The following LIM2 variants were observed in gnomAD, a reference collection of about 807,000 sequenced individuals.
LIM2 encodes the protein lens fiber membrane intrinsic protein.
In LIM2, 14 loss-of-function variants were observed where a neutral mutation model predicts 19.0. The observed-to-expected ratio is 0.74, with a 90% CI of 0.49 to 1.15. The LOEUF is 1.15. LIM2 is among the 50% of genes most tolerant of loss of function. The pLI is 0.00. For missense variants in LIM2, 230 were observed against 243.5 expected (o/e 0.94, Z 0.37); for synonymous variants, 78 against 89.6 (o/e 0.87, Z 0.73).
At chr19:51,384,458 A>G (rs1986978593) in intron 2 of LIM2, among the ~76,000 whole-genome samples, 1 of 152,122 alleles carries the variant, frequency 6.6e-6, no homozygotes, top group Admixed American at 6.6e-5. Context: ...TAAAACAAAG[A>G]CTGCCGTCCT....
At position 51,386,415 on chromosome 19, in the gene LIM2, C is replaced by T. The variant is rs188582289; in HGVS notation, c.175+854G>A. 1.6e-3 allele frequency among the ~76,000 whole-genome samples: 237 copies of T among 149,706 alleles called. 1 individual carries two copies. Among genetic ancestry groups the T allele is most frequent in the African/African-American group, 5.3e-3 (216 of 40,948 alleles). On this transcript the variant is annotated intron_variant, in intron 2 of 4. Transcript: ENST00000596399. ...CTGGGATTACAGACGTGAGCCACCA[C>T]GCCTGGCCAAATTTATTAATATGTT...
chr19:51,385,016 C>T (rs964629304), intron 2 of LIM2, among the ~76,000 whole-genome samples: 5 of 152,076 alleles, frequency 3.3e-5, no homozygotes, highest in African/African-American at 1.2e-4. Context: ...GAGCACACCA[C>T]CACGCCCAGC....
chr19:51,380,291 C>G, intron 4 of LIM2, 29 bp from the exon 5 acceptor site: 1 of 1,610,794 alleles, frequency 6.2e-7, no homozygotes, highest in Non-Finnish European at 8.5e-7. Flanking sequence ...AAATTCACCC[C>G]CTCAAACCTC....
Position 51,387,389 on chromosome 19 carries a change from G to C in LIM2, c.55C>G (p.Leu19Val). ...LFCAWVGTIL[L>V]VVAMATDHWM... ...TGGTCTGTTGCCATGGCCACCACCA[G>C]GAGGATGGTCCCCACCCAGGCACAG... The change falls in exon 2 of 5, where the codon CTG (leucine) becomes GTG (valine). Residue 19 changes from leucine (L) to valine (V), a missense_variant. Transcript: ENST00000596399. 1 of 1,614,202 alleles carries C rather than the reference G, an allele frequency of 6.2e-7. No individual in the cohort carries two copies.
chr19:51,387,533 T>C (rs918756652), intron 1 of LIM2, 84 bp from the exon 2 acceptor site: 9 of 1,580,794 alleles, frequency 5.7e-6, no homozygotes, highest in Non-Finnish European at 7.7e-6. Context: ...GGCTCAGGAG[T>C]GGGATGCCAA....
rs900549342 is a variant in LIM2, at chr19:51,385,049, A to T, written c.175+2220T>A. ...AGCTAATTTTTTATTTTTTGTTGAG[A>T]TGGGGTCTCCTTACGTTGCACAGGC... is the stretch of plus-strand genomic sequence containing the variant. On this transcript the variant is annotated intron_variant, in intron 2 of 4. Coordinates refer to ENST00000596399, the MANE Select transcript of LIM2 (RefSeq NM_001161748.2). Among the ~76,000 whole-genome samples the T allele has an allele frequency of 5.3e-5, 8 of 151,128 alleles. No homozygotes were observed. The Admixed American group carries it at 5.3e-4, about 10-fold the overall frequency.
At chr19:51,382,329 AG>A in intron 3 of LIM2, 88 bp downstream of exon 3, 1 of 1,448,674 alleles carries the variant, frequency 6.9e-7, no homozygotes, top group Non-Finnish European at 9.5e-7. Context: ...AGGAGGAGTA[AG>A]GGGTGAGAAT....
intron 2 of LIM2, among the ~76,000 whole-genome samples, chr19:51,385,153 G>A (rs992317874): frequency 2.0e-5 from 3 of 151,682 alleles, no homozygotes; most frequent in African/African-American, 4.8e-5. Context: ...GAGCCACCAC[G>A]TCCATCTGAA....
In LIM2 at chr19:51,380,532, C is replaced by T. The variant is rs772407805; in HGVS notation, c.433G>A (p.Val145Met). The T allele has an allele frequency of 1.9e-6, 3 of 1,614,206 alleles. No individual in the cohort carries two copies. The highest frequency in any genetic ancestry group is 1.7e-5 in the Admixed American group (1 of 60,016). Residue 145 changes from valine to methionine, a missense_variant, in exon 4 of 5, where the codon GTG becomes ATG. Physicochemically the swap from Val to Met is conservative, Grantham distance 21. Coordinates refer to ENST00000596399, the MANE Select transcript of LIM2 (RefSeq NM_001161748.2). The stretch of plus-strand genomic sequence containing the variant: ...GCGAAGAACGTCATGAGCACTGCCA[C>T]CCAGCCCAGGATGTAGGACCAGGAA... ...RFSWSYILGW[V>M]AVLMTFFAGI...
intron 2 of LIM2, among the ~76,000 whole-genome samples, chr19:51,383,108 C>T (rs1986946092): frequency 4.3e-5 from 6 of 140,438 alleles, no homozygotes. Context: ...AATCTCAGCT[C>T]ACTGCAGCCT....
At position 51,387,599 on chromosome 19, in the gene LIM2, A is replaced by T. The variant is rs927291456; in HGVS notation, c.-6-150T>A. 2.6e-6 allele frequency: 3 copies of T among 1,149,450 alleles called. No individual in the cohort carries two copies. In the African/African-American group the frequency reaches 4.7e-5, roughly 18 times the overall value. The allele number at this position is 1,149,450 out of a possible 1,614,324, so 71.2% of individuals were successfully genotyped here. A position where few individuals can be genotyped will look rare whatever the true frequency, so the allele number is the denominator to read the frequency against. On this transcript the variant is annotated intron_variant, in intron 1 of 4. Transcript: ENST00000596399. ...CGCCTGGGTCCTGGGCGAGGAGGGG[A>T]CTGGAGCCCGGACTCCTGGGTCTGA... is the stretch of plus-strand genomic sequence containing the variant.
At chr19:51,382,079 C>G (rs779911149) in intron 3 of LIM2, among the ~76,000 whole-genome samples, 1 of 152,126 alleles carries the variant, frequency 6.6e-6, no homozygotes, top group Non-Finnish European at 1.5e-5. Context: ...TAGTTTGTAG[C>G]CAGTGGATCA....
intron 2 of LIM2, among the ~76,000 whole-genome samples, chr19:51,385,844 G>A (rs1418064390): frequency 6.6e-6 from 1 of 152,204 alleles, no homozygotes; most frequent in Non-Finnish European, 1.5e-5. Flanking sequence ...CTCCGGGAGA[G>A]ATGAGTGGGC....
At chr19:51,382,390 G>A (rs1261568131) in intron 3 of LIM2, 28 bp downstream of exon 3, 2 of 1,613,042 alleles carry the variant, frequency 1.2e-6, no homozygotes, top group Non-Finnish European at 1.7e-6. Flanking sequence ...AGCGAGGAGA[G>A]GGGTAGGGAG....
At chr19:51,385,020 G>A (rs908155199) in intron 2 of LIM2, among the ~76,000 whole-genome samples, 5 of 151,788 alleles carry the variant, frequency 3.3e-5, no homozygotes, top group Non-Finnish European at 4.4e-5. Flanking sequence ...ACACCACCAC[G>A]CCCAGCTAAT....
chr19:51,383,591 A>AT (rs1986958854), intron 2 of LIM2, among the ~76,000 whole-genome samples: 1 of 152,184 alleles, frequency 6.6e-6, no homozygotes, highest in South Asian at 2.1e-4. Flanking sequence ...ATGGCCCCTC[A>AT]GGAAAGATAA....
chr19:51,380,642 G>A lies in LIM2; in HGVS notation c.326-3C>T. On this transcript the variant is annotated splice_region_variant and splice_polypyrimidine_tract_variant and intron_variant, in intron 3 of 4. Transcript: ENST00000596399. ...CAAGGCCAACACGACGAAAAGGGCT[G>A]GGGAGAGAGGGCGGGAGGATGCAGG... The A allele has an allele frequency of 6.2e-7, 1 of 1,614,108 alleles. No homozygotes were observed.
In LIM2 at chr19:51,387,001, A is replaced by G. The variant is rs535623542; in HGVS notation, c.175+268T>C. On this transcript the variant is annotated intron_variant, in intron 2 of 4. Coordinates refer to ENST00000596399, the MANE Select transcript of LIM2 (RefSeq NM_001161748.2). ...TTAGAAAATGCTGTTTCGTGACACT[A>G]GCCCCAATTGCTGTGCATGACACCT... The G allele has an allele frequency of 2.0e-4, 143 of 707,802 alleles. 2 individuals are homozygous for G. The South Asian group carries it at 2.1e-3, about 10-fold the overall frequency. 43.8% of individuals were successfully genotyped at this position (707,802 alleles called of 1,614,324 possible).
Position 51,382,550 on chromosome 19 carries a change from G to C in LIM2, c.193C>G (p.Arg65Gly), listed in dbSNP as rs139154341. The C allele has an allele frequency of 6.2e-7, 1 of 1,613,702 alleles. No homozygotes were observed. The highest frequency in any genetic ancestry group is 8.5e-7 in the Non-Finnish European group (1 of 1,179,882). Reference protein sequence around the residue: ...TDSIAYWNATRAFMILSALCA... With the variant: ...TDSIAYWNATGAFMILSALCA... ...AGGGCAGACAGGATCATGAAGGCCC[G>C]GGTGGCATTCCAGTATGCTGTGGGA... Residue 65 changes from arginine to glycine, a missense_variant, in exon 3 of 5, where the codon CGG becomes GGG. By Grantham distance (125) the Arg-to-Gly change is moderately radical. Transcript: ENST00000596399.
Sources: gnomAD v4.1 joint callset for allele counts (sites outside exome capture counted in the v4.1 genomes callset) on GRCh38, gnomAD v4.1.1 for gene constraint, MANE v1.5 for transcripts, NCBI Gene and HGNC (gene_info 2026-07-23, HGNC 2026-07-21) for gene names.